Variants in PPFIA2 observed in about 807,000 individuals in gnomAD.
PPFIA2 encodes PPFI scaffold protein A2.
In PPFIA2, 46 loss-of-function variants were observed where a neutral mutation model predicts 175.5. That is an observed-to-expected ratio of 0.26 (90% CI 0.21 to 0.34). The LOEUF (loss-of-function observed/expected upper bound fraction) is 0.34, where lower values mean the gene tolerates loss of function less well. PPFIA2 is among the 10% of genes least tolerant of loss of function. The pLI is 1.00. For synonymous variants in PPFIA2, 568 were observed against 511.4 expected, an observed-to-expected ratio of 1.11 and a Z score of -1.49; for missense variants, 1,179 against 1,506.1, an observed-to-expected ratio of 0.78 and a Z score of 3.60.
chr12:81,606,238 G>T (rs2060301475), intron 4 of PPFIA2, among the ~76,000 whole-genome samples: 1 of 152,058 alleles, frequency 6.6e-6, no homozygotes, highest in South Asian at 2.1e-4. Context: ...CACCCAGGTT[G>T]ATTCCATGTC....
intron 4 of PPFIA2, among the ~76,000 whole-genome samples, chr12:81,638,867 T>G (rs2064519322): frequency 6.6e-6 from 1 of 150,894 alleles, no homozygotes; most frequent in South Asian, 2.1e-4. Context: ...TTTTGTATTT[T>G]TAGTAGAGAC....
chr12:81,561,687 G>T (rs1217887926), intron 4 of PPFIA2, among the ~76,000 whole-genome samples: 2 of 152,140 alleles, frequency 1.3e-5, no homozygotes, highest in Non-Finnish European at 2.9e-5. Context: ...ATAGCATAGG[G>T]TTCAGATGGA....
chr12:81,479,471 T>C (rs1402969930), intron 4 of PPFIA2, among the ~76,000 whole-genome samples: 2 of 152,236 alleles, frequency 1.3e-5, no homozygotes, highest in African/African-American at 4.8e-5. Context: ...GTCATTATGA[T>C]GCTAGCTGGT....
intron 3 of PPFIA2, among the ~76,000 whole-genome samples, chr12:81,701,241 C>T (rs1410666270): frequency 6.6e-6 from 1 of 152,140 alleles, no homozygotes; most frequent in Admixed American, 6.6e-5. Context: ...AGTCATCATT[C>T]AGCAAATGTC....
At chr12:81,394,272 C>T (rs1851382) in intron 8 of PPFIA2, among the ~76,000 whole-genome samples, 54,224 of 151,692 alleles carry the variant, frequency 0.36, 10,562 homozygotes, top group East Asian at 0.53. Context: ...CTTACTGTTA[C>T]TTGGATTACT....
chr12:81,644,120 C>T (rs578034406), intron 4 of PPFIA2, among the ~76,000 whole-genome samples: 17 of 151,902 alleles, frequency 1.1e-4, no homozygotes, highest in Non-Finnish European at 2.1e-4. Context: ...CAGAAAGATT[C>T]TATAAAAATA....
At chr12:81,579,089 G>A (rs1222460089) in intron 4 of PPFIA2, among the ~76,000 whole-genome samples, 1 of 151,636 alleles carries the variant, frequency 6.6e-6, no homozygotes, top group African/African-American at 2.4e-5. Flanking sequence ...ATATTTAGCT[G>A]GTCATAAGCA....
intron 23 of PPFIA2, among the ~76,000 whole-genome samples, chr12:81,298,895 GTC>G (rs2047132975): frequency 6.6e-6 from 1 of 152,170 alleles, no homozygotes; most frequent in Non-Finnish European, 1.5e-5. Flanking sequence ...GCAAAGGAAT[GTC>G]TCTCTGTACA....
chr12:81,557,577 G>C (rs530969883), intron 4 of PPFIA2, among the ~76,000 whole-genome samples: 2 of 151,936 alleles, frequency 1.3e-5, no homozygotes, highest in South Asian at 4.1e-4. Context: ...CTTACTCAAA[G>C]ATCTCATCAT....
intron 4 of PPFIA2, among the ~76,000 whole-genome samples, chr12:81,576,002 A>G (rs2073467350): frequency 6.6e-6 from 1 of 151,688 alleles, no homozygotes; most frequent in Admixed American, 6.6e-5. Context: ...GTAGAAGGAA[A>G]GCTTTATGCA....
chr12:81,351,546 C>T (rs1033430314), intron 17 of PPFIA2, among the ~76,000 whole-genome samples: 1 of 151,902 alleles, frequency 6.6e-6, no homozygotes, highest in African/African-American at 2.4e-5. Flanking sequence ...AGCAGCCCAA[C>T]TTCAAACGCA....
Position 81,299,379 on chromosome 12 carries a change from A to G in PPFIA2, c.2646T>C (p.His882=). 4 of 1,582,256 alleles carry G rather than the reference A, an allele frequency of 2.5e-6. No individual in the cohort carries two copies. The highest frequency in any genetic ancestry group is 1.2e-5 in the South Asian group (1 of 86,302). Reference sequence around the variant, plus strand: ...TTCTCCGAGCTTCTTCAAGAAGTTCATGCCTGAAGTATATAGCAAAGATTA... The same window carrying G: ...TTCTCCGAGCTTCTTCAAGAAGTTCGTGCCTGAAGTATATAGCAAAGATTA... ...AEKDRRLKKK[H]ELLEEARRKG... The change falls in exon 23 of 33, where the codon CAT becomes CAC. Residue 882 remains histidine (H), a synonymous_variant. Transcript: ENST00000549396.
At chr12:81,361,764 G>A (rs1339264747) in intron 15 of PPFIA2, among the ~76,000 whole-genome samples, 1 of 151,426 alleles carries the variant, frequency 6.6e-6, no homozygotes, top group Non-Finnish European at 1.5e-5. Flanking sequence ...ATCCTCTGGT[G>A]GAGTTAACTT....
At chr12:81,577,242 A>G (rs76019797) in intron 4 of PPFIA2, among the ~76,000 whole-genome samples, 1,571 of 151,994 alleles carry the variant, frequency 0.01, 29 homozygotes, top group African/African-American at 0.033. Flanking sequence ...AAAACCAGAC[A>G]TTATAGTAAA....
chr12:81,679,627 A>G (rs1327063639), intron 3 of PPFIA2, among the ~76,000 whole-genome samples: 2 of 151,974 alleles, frequency 1.3e-5, no homozygotes, highest in Non-Finnish European at 2.9e-5. Flanking sequence ...AAAATCAATT[A>G]CGAATTCATG....
chr12:81,384,283 C>T (rs1165309531), intron 8 of PPFIA2, 39 bp from the exon 9 acceptor site: 3 of 1,269,610 alleles, frequency 2.4e-6, no homozygotes, highest in Non-Finnish European at 2.1e-6. Context: ...TAAGAATTTT[C>T]ATCTTTAATT....
chr12:81,262,552 A>G (rs2035960375), intron 31 of PPFIA2, among the ~76,000 whole-genome samples: 1 of 152,220 alleles, frequency 6.6e-6, no homozygotes, highest in South Asian at 2.1e-4. Flanking sequence ...GATTATCTTA[A>G]CAAATAGCAT....
At chr12:81,294,640 G>T (rs1413511830) in intron 24 of PPFIA2, 195 bp downstream of exon 24, 6 of 605,368 alleles carry the variant, frequency 9.9e-6, no homozygotes, top group Non-Finnish European at 1.4e-5. Flanking sequence ...TAGCTTTCAC[G>T]TCTGATATGA....
At chr12:81,609,149 G>A (rs1399275097) in intron 4 of PPFIA2, among the ~76,000 whole-genome samples, 3 of 151,866 alleles carry the variant, frequency 2.0e-5, no homozygotes, top group Non-Finnish European at 2.9e-5. Context: ...AATGTAGTTG[G>A]TATGATTTTA....
Sources: gnomAD v4.1 joint callset for allele counts (sites outside exome capture counted in the v4.1 genomes callset) on GRCh38, gnomAD v4.1.1 for gene constraint, MANE v1.5 for transcripts, NCBI Gene and HGNC (gene_info 2026-07-23, HGNC 2026-07-21) for gene names.